SNX25: variants seen among roughly 807,000 people sequenced by gnomAD.
SNX25 encodes the protein sorting nexin-25.
In SNX25, 62 loss-of-function variants were observed where a neutral mutation model predicts 113.7. The observed-to-expected ratio is 0.55, with a 90% CI of 0.44 to 0.67. The LOEUF (loss-of-function observed/expected upper bound fraction) is 0.67, where lower values mean the gene tolerates loss of function less well. SNX25 is among the 30% of genes least tolerant of loss of function. The probability of loss-of-function intolerance (pLI) is 0.00; values close to 1 mark genes in which losing one functional copy is unlikely to be tolerated. For missense variants in SNX25, 1,014 were observed against 1,161.0 expected (o/e 0.87, Z 1.84); for synonymous variants, 421 against 436.2 (o/e 0.97, Z 0.43).
chr4:185,321,262 ATT>A (rs556737428), intron 8 of SNX25, among the ~76,000 whole-genome samples: 24 of 137,238 alleles, frequency 1.7e-4, no homozygotes, highest in African/African-American at 5.1e-4. Context: ...TTTCATTTCA[ATT>A]TTTTTTTTTT....
intron 1 of SNX25, among the ~76,000 whole-genome samples, chr4:185,221,349 G>GT (rs1388420215): frequency 6.6e-6 from 1 of 151,964 alleles, no homozygotes; most frequent in Non-Finnish European, 1.5e-5. Flanking sequence ...AATTAAAAAA[G>GT]TTTTTTCTAG....
intron 6 of SNX25, 86 bp from the exon 7 acceptor site, chr4:185,310,549 A>G (rs1285375931): frequency 3.4e-5 from 42 of 1,249,398 alleles, no homozygotes; most frequent in Non-Finnish European, 4.6e-5. Context: ...CAGAATGCCC[A>G]CAGCAGACAC....
At chr4:185,250,858 C>T (rs954026889) in intron 2 of SNX25, among the ~76,000 whole-genome samples, 2 of 151,418 alleles carry the variant, frequency 1.3e-5, no homozygotes, top group Non-Finnish European at 2.9e-5. Context: ...GAAGGTTAGT[C>T]TGATATAAGC....
intron 6 of SNX25, among the ~76,000 whole-genome samples, chr4:185,300,839 T>TCACACACACACACACACACACACACACA (rs1560985826): frequency 7.0e-4 from 35 of 49,670 alleles, no homozygotes; most frequent in African/African-American, 3.4e-3. Flanking sequence ...ATGATTATTA[T>TCACACACACACACACACACACACACACA]GACACACACA....
At chr4:185,340,577 G>C (rs910096170) in intron 11 of SNX25, among the ~76,000 whole-genome samples, 26 of 152,186 alleles carry the variant, frequency 1.7e-4, no homozygotes, top group Non-Finnish European at 3.4e-4. Flanking sequence ...GGGTGGAACT[G>C]TAGGAAGGTA....
chr4:185,209,790 A>G lies in SNX25; in HGVS notation c.-37A>G. 2.0e-6 allele frequency: 2 copies of G among 983,334 alleles called. No homozygotes were observed. Among genetic ancestry groups the G allele is most frequent in the Non-Finnish European group, 1.2e-6 (1 of 829,206 alleles). The allele number at this position is 983,334 out of a possible 1,614,324, so 60.9% of individuals were successfully genotyped here. ...GAGCGCCGGCGGGGGACCGGGGGGC[A>G]GGAGATGTGCCTGTCCTTAGCGGCC... On this transcript the variant is annotated 5_prime_UTR_variant, in exon 1 of 19. Coordinates refer to ENST00000652585, the MANE Select transcript of SNX25 (RefSeq NM_001378034.2). This position sits in a 1 kb window ranked among gnomAD's most constrained non-coding sequence, Gnocchi z 5.2.
intron 1 of SNX25, among the ~76,000 whole-genome samples, chr4:185,230,215 G>A (rs939814392): frequency 5.3e-5 from 8 of 152,122 alleles, no homozygotes; most frequent in African/African-American, 1.7e-4. Flanking sequence ...TAATACCATT[G>A]TGGAATAAAA....
intron 15 of SNX25, among the ~76,000 whole-genome samples, chr4:185,355,063 C>G (rs946295853): frequency 2.6e-5 from 4 of 152,154 alleles, no homozygotes; most frequent in African/African-American, 9.7e-5. Context: ...ATTTATAAAT[C>G]CCTTAACATG....
chr4:185,257,705 A>C (rs745622499), intron 2 of SNX25, among the ~76,000 whole-genome samples: 1 of 151,452 alleles, frequency 6.6e-6, no homozygotes, highest in African/African-American at 2.4e-5. Flanking sequence ...TACTTTTTTA[A>C]TGTGTCTTCT....
At chr4:185,217,734 A>G (rs954029503) in intron 1 of SNX25, among the ~76,000 whole-genome samples, 1 of 152,190 alleles carries the variant, frequency 6.6e-6, no homozygotes, top group African/African-American at 2.4e-5. Flanking sequence ...AGGATTCTTT[A>G]TAGTCAGAAT....
At chr4:185,266,744 A>G (rs1408857297) in intron 4 of SNX25, among the ~76,000 whole-genome samples, 4 of 152,178 alleles carry the variant, frequency 2.6e-5, no homozygotes, top group Non-Finnish European at 5.9e-5. Context: ...ATTTATTAAA[A>G]TGACAACTTG....
intron 7 of SNX25, among the ~76,000 whole-genome samples, chr4:185,313,418 C>T (rs902272040): frequency 9.2e-5 from 14 of 151,928 alleles, no homozygotes; most frequent in African/African-American, 3.1e-4. Flanking sequence ...GTACATGAAG[C>T]GAAACCTGAC....
chr4:185,352,559 C>T (rs535575608), intron 14 of SNX25, among the ~76,000 whole-genome samples: 1 of 152,258 alleles, frequency 6.6e-6, no homozygotes, highest in African/African-American at 2.4e-5. Context: ...ATTCCTGAAC[C>T]CCTGGAGTTA....
intron 7 of SNX25, among the ~76,000 whole-genome samples, chr4:185,314,655 C>T (rs796220813): frequency 1.5e-4 from 23 of 150,894 alleles, no homozygotes; most frequent in African/African-American, 5.6e-4. Flanking sequence ...GTCAAGAGAT[C>T]GAGACCATCC....
In SNX25 at chr4:185,363,260, G is replaced by A; in HGVS notation, c.2935-125G>A. The A allele has an allele frequency of 1.3e-6, 1 of 783,198 alleles. No homozygotes were observed. The highest frequency in any genetic ancestry group is 2.1e-6 in the Non-Finnish European group (1 of 481,738). 48.5% of individuals were successfully genotyped at this position (783,198 alleles called of 1,614,324 possible). A position where few individuals can be genotyped will look rare whatever the true frequency, so the allele number is the denominator to read the frequency against. ...TACCAATATTAAATACTGTTTGAGAGTTACTTGTTTACTGAGATAATTTCA... is the reference window on the plus strand; with the variant it reads ...TACCAATATTAAATACTGTTTGAGAATTACTTGTTTACTGAGATAATTTCA... On this transcript the variant is annotated intron_variant, in intron 18 of 18. Coordinates refer to ENST00000652585, the MANE Select transcript of SNX25 (RefSeq NM_001378034.2). The surrounding 1 kb of genome is among the most constrained non-coding windows in gnomAD (Gnocchi z 4.2).
chr4:185,206,643 G>A (rs970058031), upstream of SNX25, among the ~76,000 whole-genome samples: 7 of 113,180 alleles, frequency 6.2e-5, no homozygotes, highest in East Asian at 1.6e-3. Flanking sequence ...TGGGTAACAA[G>A]AGCGAAACTC....
chr4:185,378,174 T>A, the SNX25 span: 1 of 1,614,006 alleles, frequency 6.2e-7, no homozygotes, highest in Non-Finnish European at 8.5e-7. Context: ...AACTTTTCAC[T>A]GGTCAACTTC....
rs2095214722 is a variant in SNX25 at position 185,334,109 on chromosome 4, CG to C, written c.1914+1353del. ...ATCCCAGCACTTTAGGAGGCCGAGG[CG>C]GGTGGATCACTTGAGGTCAGGAGCT... On this transcript the variant is annotated intron_variant, in intron 10 of 18. Coordinates refer to ENST00000652585, the MANE Select transcript of SNX25 (RefSeq NM_001378034.2). This position sits in a 1 kb window ranked among gnomAD's most constrained non-coding sequence, Gnocchi z 4.2. Among the ~76,000 whole-genome samples, 1 of 150,426 alleles carries C rather than the reference CG, an allele frequency of 6.6e-6. No homozygotes were observed. The highest frequency in any genetic ancestry group is 2.5e-5 in the African/African-American group (1 of 40,714).
intron 6 of SNX25, among the ~76,000 whole-genome samples, chr4:185,302,092 T>TG (rs1753769888): frequency 1.8e-5 from 2 of 113,510 alleles, no homozygotes; most frequent in African/African-American, 5.7e-5. Context: ...TGTGTGTGTG[T>TG]TTTTTTTGTT....
Sources: allele counts gnomAD v4.1 joint callset (sites outside exome capture counted in the v4.1 genomes callset), GRCh38; gene constraint gnomAD v4.1.1; non-coding constraint Gnocchi (gnomAD v3.1); transcripts MANE v1.5; gene names NCBI Gene and HGNC (gene_info 2026-07-23, HGNC 2026-07-21).